MINAR1: variants seen among roughly 807,000 people sequenced by gnomAD.
MINAR1 encodes membrane integral NOTCH2 associated receptor 1.
MINAR1 carries 40 observed loss-of-function variants against 65.1 expected under a neutral mutation model. The observed-to-expected ratio is 0.61, with a 90% confidence interval of 0.48 to 0.80. MINAR1 has a LOEUF of 0.80. Ranked by LOEUF, MINAR1 falls within the 30% of genes least tolerant of loss-of-function variation. The probability of loss-of-function intolerance (pLI) is 0.00; values close to 1 mark genes in which losing one functional copy is unlikely to be tolerated. For missense variants in MINAR1, 1,128 were observed against 1,148.0 expected (o/e 0.98, Z 0.25); for synonymous variants, 482 against 449.1 (o/e 1.07, Z -0.93).
At chr15:79,441,357 A>G (rs912447793) in intron 1 of MINAR1, among the ~76,000 whole-genome samples, 8 of 152,168 alleles carry the variant, frequency 5.3e-5, no homozygotes, top group African/African-American at 1.9e-4. Flanking sequence ...TTTTCACTTA[A>G]GAATACATCA....
In MINAR1 at chr15:79,470,128, G is replaced by A. The variant is rs561218442; in HGVS notation, c.*1744G>A. On this transcript the variant is annotated 3_prime_UTR_variant, in exon 4 of 4. Coordinates refer to ENST00000305428, the MANE Select transcript of MINAR1 (RefSeq NM_015206.3). ...GTATGGATTTTCAATTTCAGTAACC[G>A]AAAACTTAAGCCTTAGTATGAAAAA... The A allele has an allele frequency of 5.9e-5, 9 of 152,528 alleles. No homozygotes were observed. In the East Asian group the frequency reaches 7.7e-4, roughly 13 times the overall value. The allele number at this position is 152,528 out of a possible 1,614,324, so 9.4% of individuals were successfully genotyped here. A position where few individuals can be genotyped will look rare whatever the true frequency, so the allele number is the denominator to read the frequency against.
At chr15:79,442,063 C>CT (rs1894885102) in intron 1 of MINAR1, among the ~76,000 whole-genome samples, 1 of 141,262 alleles carries the variant, frequency 7.1e-6, no homozygotes, top group African/African-American at 2.6e-5. Flanking sequence ...TTTTTTTTTA[C>CT]TGTTTTTTTT....
the MINAR1 span, chr15:79,424,417 T>A: frequency 6.6e-6 from 1 of 152,220 alleles, no homozygotes; most frequent in Non-Finnish European, 1.5e-5. Flanking sequence ...GGAGAAAATG[T>A]TAGAACAGCA....
At chr15:79,452,560 G>A (rs890360270) in intron 1 of MINAR1, among the ~76,000 whole-genome samples, 3 of 150,842 alleles carry the variant, frequency 2.0e-5, no homozygotes, top group Non-Finnish European at 3.0e-5. Flanking sequence ...GGGTGAGTCT[G>A]TGTGTGTGAG....
rs1327451794 is a variant in MINAR1, at chr15:79,457,639, T to C, written c.1492T>C (p.Tyr498His). 1 of 1,614,160 alleles carries C rather than the reference T, an allele frequency of 6.2e-7. No individual in the cohort carries two copies. Among genetic ancestry groups the C allele is most frequent in the Admixed American group, 1.7e-5 (1 of 60,028 alleles). ...RDLCTSGQGKYSDRHTMKHSD... is the reference protein window; with the variant it reads ...RDLCTSGQGKHSDRHTMKHSD... Reference sequence around the variant, plus strand: ...CCTGTGCACCTCTGGTCAGGGCAAGTACAGTGACAGGCACACCATGAAGCA... The same window carrying C: ...CCTGTGCACCTCTGGTCAGGGCAAGCACAGTGACAGGCACACCATGAAGCA... The change falls in exon 2 of 4, where the codon TAC (tyrosine) becomes CAC (histidine). Residue 498 changes from tyrosine (Y) to histidine (H), a missense_variant. Physicochemically the swap from Tyr to His is moderately conservative, Grantham distance 83 (BLOSUM62 2). Transcript: ENST00000305428.
intron 1 of MINAR1, among the ~76,000 whole-genome samples, chr15:79,437,379 G>A (rs1234395083): frequency 2.0e-5 from 3 of 151,052 alleles, no homozygotes; most frequent in Non-Finnish European, 4.4e-5. Flanking sequence ...GTGAGTGGAT[G>A]TGGTGGGCAG....
chr15:79,428,421 A>C (rs1404200408), upstream of MINAR1, among the ~76,000 whole-genome samples: 95 of 48,448 alleles, frequency 2.0e-3, no homozygotes, highest in Admixed American at 2.7e-3. Flanking sequence ...TCCTTCCTTC[A>C]TTCTTTCCTT....
At chr15:79,414,620 A>G in the MINAR1 span, 1 of 152,152 alleles carries the variant, frequency 6.6e-6, no homozygotes, top group African/African-American at 2.4e-5. Flanking sequence ...AGGTATGGAG[A>G]TAAGAATGAG....
At chr15:79,428,862 G>A (rs747229117), upstream of MINAR1, among the ~76,000 whole-genome samples, 10 of 152,112 alleles carry the variant, frequency 6.6e-5, no homozygotes, top group Non-Finnish European at 1.3e-4. Flanking sequence ...AGTGGTCACA[G>A]TCTTCTCCCC....
At chr15:79,441,728 T>G (rs934378788) in intron 1 of MINAR1, among the ~76,000 whole-genome samples, 1 of 152,132 alleles carries the variant, frequency 6.6e-6, no homozygotes, top group African/African-American at 2.4e-5. Flanking sequence ...AGTATACTGA[T>G]TATAGATACC....
chr15:79,448,213 C>T (rs532261425), intron 1 of MINAR1, among the ~76,000 whole-genome samples: 1 of 152,290 alleles, frequency 6.6e-6, no homozygotes, highest in Admixed American at 6.5e-5. Context: ...CTGGAAATTG[C>T]TTCATAATCA....
intron 1 of MINAR1, among the ~76,000 whole-genome samples, chr15:79,447,969 C>A (rs936975429): frequency 6.6e-6 from 1 of 152,150 alleles, no homozygotes; most frequent in Admixed American, 6.5e-5. Context: ...AAGGCCTATC[C>A]TAATCTACCT....
intron 1 of MINAR1, among the ~76,000 whole-genome samples, chr15:79,433,548 A>G (rs1403369531): frequency 6.6e-6 from 1 of 151,988 alleles, no homozygotes; most frequent in Non-Finnish European, 1.5e-5. Flanking sequence ...TGGTAGAACC[A>G]TGCCGCCATC....
In MINAR1 at chr15:79,456,566, A is replaced by G; in HGVS notation, c.419A>G (p.Glu140Gly). The G allele has an allele frequency of 6.2e-7, 1 of 1,614,106 alleles. No homozygotes were observed. Among genetic ancestry groups the G allele is most frequent in the Non-Finnish European group, 8.5e-7 (1 of 1,180,022 alleles). Reference protein sequence around the residue: ...NAAECEPLNCELSERSFSRGY... With the variant: ...NAAECEPLNCGLSERSFSRGY... ...GCTGAGTGTGAGCCCCTGAACTGTG[A>G]GCTGAGTGAGAGGTCTTTCAGCCGG... The change falls in exon 2 of 4, where the codon GAG (glutamate) becomes GGG (glycine). Residue 140 changes from glutamate to glycine, a missense_variant. Physicochemically the swap from Glu to Gly is moderately conservative, Grantham distance 98. Coordinates refer to ENST00000305428, the MANE Select transcript of MINAR1 (RefSeq NM_015206.3).
At chr15:79,422,712 T>C in the MINAR1 span, 2 of 151,858 alleles carry the variant, frequency 1.3e-5, no homozygotes, top group African/African-American at 4.8e-5. Context: ...GATGCCACAG[T>C]TCAAAAAGTG....
At chr15:79,460,523 G>C (rs945732251) in intron 2 of MINAR1, among the ~76,000 whole-genome samples, 3 of 152,128 alleles carry the variant, frequency 2.0e-5, no homozygotes, top group Admixed American at 6.5e-5. Flanking sequence ...GCCTTCTGTC[G>C]TGTCTTTTGC....
chr15:79,456,737 C>G lies in MINAR1; in HGVS notation c.590C>G (p.Ala197Gly). ...NRAASLDRLQ[A>G]LAPYSVTSPQ... Reference sequence around the variant, plus strand: ...GCCGCTTCCCTGGACAGGTTGCAGGCCCTGGCTCCGTACTCTGTGACCAGC... The same window carrying G: ...GCCGCTTCCCTGGACAGGTTGCAGGGCCTGGCTCCGTACTCTGTGACCAGC... Residue 197 changes from alanine (A) to glycine (G), a missense_variant, in exon 2 of 4, where the codon GCC (alanine) becomes GGC (glycine). Physicochemically the swap from Ala to Gly is moderately conservative, Grantham distance 60. Transcript: ENST00000305428. 1 of 1,614,204 alleles carries G rather than the reference C, an allele frequency of 6.2e-7. No individual in the cohort carries two copies. Among genetic ancestry groups the G allele is most frequent in the Non-Finnish European group, 8.5e-7 (1 of 1,180,036 alleles).
rs750939779 is a variant in MINAR1 at position 79,457,224 on chromosome 15, C to G, written c.1077C>G (p.Asn359Lys). ...CCAGGCGCTGTCTAGGGAAGCCCAA[C>G]AAGCAGACTCCCTGGCCAGCCAAAA... is the stretch of plus-strand genomic sequence containing the variant. ...QEARRCLGKP[N>K]KQTPWPAKSW... Residue 359 changes from asparagine (N) to lysine (K), a missense_variant, in exon 2 of 4, where the codon AAC becomes AAG. By Grantham distance (94) the Asn-to-Lys change is moderately conservative. Transcript: ENST00000305428. The G allele has an allele frequency of 2.5e-6, 4 of 1,613,940 alleles. No individual in the cohort carries two copies. The African/African-American group carries it at 5.3e-5, about 22-fold the overall frequency.
chr15:79,419,015 A>G, the MINAR1 span: 4 of 152,260 alleles, frequency 2.6e-5, no homozygotes, highest in African/African-American at 2.4e-5. Context: ...AAATGAGTCA[A>G]TTCATCCAAA....
Sources: allele counts gnomAD v4.1 joint callset (sites outside exome capture counted in the v4.1 genomes callset), GRCh38; gene constraint gnomAD v4.1.1; transcripts MANE v1.5; gene names NCBI Gene and HGNC (gene_info 2026-07-23, HGNC 2026-07-21).